Variants in BRSK2 observed in about 807,000 individuals in gnomAD.
BRSK2 encodes the protein BR serine/threonine kinase 2, also known as serine/threonine-protein kinase BRSK2.
Under a neutral mutation model 83.3 loss-of-function variants are expected in BRSK2, and 19 were observed. The ratio of observed to expected loss-of-function variants is 0.23; its 90% confidence interval spans 0.16 to 0.33. The LOEUF (loss-of-function observed/expected upper bound fraction) is 0.33, where lower values mean the gene tolerates loss of function less well. Ranked by LOEUF, BRSK2 falls within the 10% of genes least tolerant of loss-of-function variation. BRSK2 has a pLI of 1.00. For synonymous variants in BRSK2, 519 were observed against 435.4 expected (o/e 1.19, Z -2.39); for missense variants, 798 against 1,042.3 (o/e 0.77, Z 3.23).
intron 6 of BRSK2, 59 bp from the exon 7 acceptor site, chr11:1,443,276 C>T (rs958967521): frequency 1.1e-4 from 172 of 1,545,304 alleles, no homozygotes; most frequent in Middle Eastern, 9.0e-4. Context: ...GAGCCCAGGC[C>T]CTCCAAGGCC....
At chr11:1,456,196 C>T in intron 16 of BRSK2, 152 bp from the exon 17 acceptor site, 1 of 824,030 alleles carries the variant, frequency 1.2e-6, no homozygotes, top group Non-Finnish European at 1.8e-6. Context: ...CTCCAGCCGT[C>T]TCCAACCGCA....
chr11:1,411,337 G>T, intron 1 of BRSK2: 1 of 1,393,328 alleles, frequency 7.2e-7, no homozygotes, highest in Non-Finnish European at 9.3e-7. Flanking sequence ...GCCGGAGCAG[G>T]GGGCACAGTT....
At chr11:1,417,386 A>G (rs1280651962) in intron 1 of BRSK2, among the ~76,000 whole-genome samples, 1 of 152,202 alleles carries the variant, frequency 6.6e-6, no homozygotes, top group East Asian at 1.9e-4. Flanking sequence ...CAGCCAATCC[A>G]CTGAATTAAT....
At chr11:1,410,201 A>C (rs1250662940) in intron 1 of BRSK2, among the ~76,000 whole-genome samples, 2 of 99,398 alleles carry the variant, frequency 2.0e-5, no homozygotes, top group Admixed American at 1.1e-4. Flanking sequence ...CAGAGTGGTG[A>C]CGGACACAGA....
At chr11:1,458,558 C>T (rs11028984) in intron 18 of BRSK2, among the ~76,000 whole-genome samples, 12,263 of 152,204 alleles carry the variant, frequency 0.081, 565 homozygotes, top group African/African-American at 0.12. Flanking sequence ...CACTGCCCAC[C>T]CCCCCAGAGA....
At chr11:1,451,458 C>T (rs779060754) in intron 15 of BRSK2, 39 bp downstream of exon 15, 1 of 1,605,070 alleles carries the variant, frequency 6.2e-7, no homozygotes, top group Non-Finnish European at 8.5e-7. Flanking sequence ...GTACCTGACA[C>T]CAGGCTGGCC....
chr11:1,410,801 G>A (rs1054727322), intron 1 of BRSK2: 85 of 985,420 alleles, frequency 8.6e-5, no homozygotes, highest in African/African-American at 6.5e-4. Context: ...TGGCCCCCCC[G>A]CCACCCGGCA....
chr11:1,413,864 G>A lies in BRSK2; in HGVS notation c.92-22176G>A, dbSNP rs528382896. Among the ~76,000 whole-genome samples, 10 of 152,284 alleles carry A rather than the reference G, an allele frequency of 6.6e-5. No homozygotes were observed. The South Asian group carries it at 2.1e-3, about 32-fold the overall frequency. On this transcript the variant is annotated intron_variant, in intron 1 of 19. Coordinates refer to ENST00000528841, the MANE Select transcript of BRSK2 (RefSeq NM_001256627.2). Reference sequence around the variant, plus strand: ...GCTGGAGCTCAGGTGAGGTCGGGTGGGTAAGGGGCTGCTGCTGCACAGTGG... The same window carrying A: ...GCTGGAGCTCAGGTGAGGTCGGGTGAGTAAGGGGCTGCTGCTGCACAGTGG...
Position 1,436,144 on chromosome 11 carries a change from GC to G in BRSK2, c.186+12del. ...GTCGGTGCTGATGAAGGTGGGTGGGGCCGGGGAGGGAGGCGGGGCCGGCGGT... is the reference window on the plus strand; with the variant it reads ...GTCGGTGCTGATGAAGGTGGGTGGGGCGGGGAGGGAGGCGGGGCCGGCGGT... On this transcript the variant is annotated intron_variant, in intron 2 of 19. Coordinates refer to ENST00000528841, the MANE Select transcript of BRSK2 (RefSeq NM_001256627.2). 2 of 1,159,274 alleles carry G rather than the reference GC, an allele frequency of 1.7e-6. No individual in the cohort carries two copies. 71.8% of individuals were successfully genotyped at this position (1,159,274 alleles called of 1,614,324 possible). A position where few individuals can be genotyped will look rare whatever the true frequency, so the allele number is the denominator to read the frequency against.
chr11:1,442,752 AC>A, intron 5 of BRSK2, 146 bp downstream of exon 5: 1 of 691,214 alleles, frequency 1.4e-6, no homozygotes, highest in Non-Finnish European at 2.5e-6. Flanking sequence ...GCCTCCCAGT[AC>A]CCCACAGCCT....
In BRSK2 at chr11:1,424,252, G is replaced by A. The variant is rs773018839; in HGVS notation, c.92-11788G>A. On this transcript the variant is annotated intron_variant, in intron 1 of 19. Transcript: ENST00000528841. ...CCCTGGAGTGACAGTGGGTCCTGCC[G>A]GCCAGGCGGAGGGAGGTCTCTGCTG... Among the ~76,000 whole-genome samples, 6 of 152,178 alleles carry A rather than the reference G, an allele frequency of 3.9e-5. No homozygotes were observed. In the East Asian group the frequency reaches 7.8e-4, roughly 20 times the overall value.
At position 1,454,960 on chromosome 11, in the gene BRSK2, G is replaced by C. The variant is rs1043570510; in HGVS notation, c.1668+352G>C. 6.6e-6 allele frequency among the ~76,000 whole-genome samples: 1 copy of C among 152,132 alleles called. No homozygotes were observed. The highest frequency in any genetic ancestry group is 1.5e-5 in the Non-Finnish European group (1 of 68,014). On this transcript the variant is annotated intron_variant, in intron 16 of 19. Transcript: ENST00000528841. The surrounding 1 kb of genome is among the most constrained non-coding windows in gnomAD (Gnocchi z 5.2). ...GTCTCAGAGGGGGACATTTCCATCA[G>C]ACTCGGGGAGAAGCCCTTGTGAGGC...
rs568871076 is a variant in BRSK2, at chr11:1,446,246, G to A, written c.1226+339G>A. On this transcript the variant is annotated intron_variant, in intron 12 of 19. Transcript: ENST00000528841. ...CGAGCTGGGCTGTACTGGACTGCGC[G>A]GCTGAGCAGGGTTGAGTTGAATTAG... Among the ~76,000 whole-genome samples, 27 of 142,882 alleles carry A rather than the reference G, an allele frequency of 1.9e-4. No homozygotes were observed. In the East Asian group the frequency reaches 4.4e-3, roughly 23 times the overall value. 93.7% of individuals were successfully genotyped at this position (142,882 alleles called of 152,430 possible). A position where few individuals can be genotyped will look rare whatever the true frequency, so the allele number is the denominator to read the frequency against.
intron 18 of BRSK2, among the ~76,000 whole-genome samples, chr11:1,457,471 G>A (rs1020404633): frequency 2.0e-5 from 3 of 152,162 alleles, no homozygotes; most frequent in African/African-American, 4.8e-5. Flanking sequence ...CGTGCCACTC[G>A]GCATACGGCA....
In BRSK2 at chr11:1,459,189, C is replaced by T; in HGVS notation, c.1940-3C>T. On this transcript the variant is annotated splice_polypyrimidine_tract_variant and splice_region_variant and intron_variant, in intron 18 of 19. Coordinates refer to ENST00000528841, the MANE Select transcript of BRSK2 (RefSeq NM_001256627.2). ...TCCCTCCTCTCTCCATTCTGTACTC[C>T]AGACACCACTAACTGTATGGAAATG... 6.2e-7 allele frequency: 1 copy of T among 1,613,796 alleles called. No individual in the cohort carries two copies. The highest frequency in any genetic ancestry group is 8.5e-7 in the Non-Finnish European group (1 of 1,179,796).
At chr11:1,402,594 T>C (rs1590323664) in intron 1 of BRSK2, among the ~76,000 whole-genome samples, 1 of 150,970 alleles carries the variant, frequency 6.6e-6, no homozygotes, top group African/African-American at 2.4e-5. Flanking sequence ...TCCTGGGGGG[T>C]GAGGGGCAGC....
rs776280501 is a variant in BRSK2 at position 1,443,482 on chromosome 11, C to T, written c.634-7C>T. The T allele has an allele frequency of 6.3e-7, 1 of 1,586,792 alleles. No individual in the cohort carries two copies. The highest frequency in any genetic ancestry group is 8.6e-7 in the Non-Finnish European group (1 of 1,165,928). Reference sequence around the variant, plus strand: ...CCACGCTGACCCCCACACCCGGCCGCCCGCAGGGGGCTCTGCCCTTCGACG... The same window carrying T: ...CCACGCTGACCCCCACACCCGGCCGTCCGCAGGGGGCTCTGCCCTTCGACG... On this transcript the variant is annotated splice_region_variant and splice_polypyrimidine_tract_variant and intron_variant, in intron 7 of 19. Coordinates refer to ENST00000528841, the MANE Select transcript of BRSK2 (RefSeq NM_001256627.2).
rs541479477 is a variant in BRSK2, at chr11:1,426,732, G to T, written c.92-9308G>T. ...CAACGGGGGTGGGGGCAACAGATGGGCCAGCAGCCACGTGGTGGGGAGCAG... is the reference window on the plus strand; with the variant it reads ...CAACGGGGGTGGGGGCAACAGATGGTCCAGCAGCCACGTGGTGGGGAGCAG... On this transcript the variant is annotated intron_variant, in intron 1 of 19. Transcript: ENST00000528841. 2.6e-3 allele frequency among the ~76,000 whole-genome samples: 402 copies of T among 152,272 alleles called. 3 individuals are homozygous for T. The highest frequency in any genetic ancestry group is 9.2e-3 in the African/African-American group (382 of 41,546).
chr11:1,404,305 G>C (rs953017080), intron 1 of BRSK2, among the ~76,000 whole-genome samples: 12 of 152,204 alleles, frequency 7.9e-5, no homozygotes, highest in African/African-American at 2.7e-4. Context: ...TGTCCTTGAT[G>C]CTGCCCCTTT....
Sources: allele counts gnomAD v4.1 joint callset (sites outside exome capture counted in the v4.1 genomes callset), GRCh38; gene constraint gnomAD v4.1.1; non-coding constraint Gnocchi (gnomAD v3.1); transcripts MANE v1.5; gene names NCBI Gene and HGNC (gene_info 2026-07-23, HGNC 2026-07-21).